Variants in LRBA observed in about 807,000 individuals in gnomAD.
The protein encoded by LRBA is lipopolysaccharide-responsive and beige-like anchor protein.
A neutral mutation model predicts 330.0 loss-of-function variants in LRBA; 176 were observed. That is an observed-to-expected ratio of 0.53 (90% CI 0.47 to 0.60). The LOEUF is 0.60. Among genes scored for constraint, LRBA ranks in the 20% least tolerant of loss-of-function variants. The pLI, the probability that LRBA is intolerant of heterozygous loss-of-function variation, is 0.00. For missense variants in LRBA, 3,259 were observed against 3,444.8 expected (o/e 0.95, Z 1.35); for synonymous variants, 1,230 against 1,193.0 (o/e 1.03, Z -0.64).
chr4:150,760,742 T>C (rs1225769713), intron 35 of LRBA, among the ~76,000 whole-genome samples: 1 of 152,140 alleles, frequency 6.6e-6, no homozygotes, highest in Non-Finnish European at 1.5e-5. Context: ...TCAAGAATCA[T>C]GGTTCCTGGT....
At chr4:150,418,282 C>T (rs1228081676) in intron 46 of LRBA, among the ~76,000 whole-genome samples, 1 of 151,952 alleles carries the variant, frequency 6.6e-6, no homozygotes, top group Non-Finnish European at 1.5e-5. Flanking sequence ...TATTTTATTC[C>T]TGGCCCAATT....
chr4:150,517,373 T>TAGCCAGGCATGGTGGCATGC (rs1581558280), intron 40 of LRBA, among the ~76,000 whole-genome samples: 1 of 151,860 alleles, frequency 6.6e-6, no homozygotes, highest in East Asian at 1.9e-4. Context: ...ATACAAAAAT[T>TAGCCAGGCATGGTGGCATGC]AGCCAGGCAT....
intron 38 of LRBA, among the ~76,000 whole-genome samples, chr4:150,595,879 T>C (rs1773433927): frequency 6.6e-6 from 1 of 151,946 alleles, no homozygotes; most frequent in South Asian, 2.1e-4. Flanking sequence ...ACCAGGGCTC[T>C]GGCATTAGGA....
chr4:150,310,102 C>T (rs769481846), intron 52 of LRBA, 127 bp downstream of exon 52: 5 of 627,218 alleles, frequency 8.0e-6, no homozygotes, highest in Non-Finnish European at 1.4e-5. Context: ...ACAATGCCCT[C>T]TTCTCCCTAT....
At chr4:150,770,099 G>T (rs570713998) in intron 34 of LRBA, among the ~76,000 whole-genome samples, 1 of 152,138 alleles carries the variant, frequency 6.6e-6, no homozygotes, top group Non-Finnish European at 1.5e-5. Flanking sequence ...TTGAGGGCCC[G>T]AATAAAATGA....
At chr4:150,483,769 C>T (rs905328983) in intron 42 of LRBA, among the ~76,000 whole-genome samples, 4 of 151,996 alleles carry the variant, frequency 2.6e-5, no homozygotes, top group Non-Finnish European at 5.9e-5. Context: ...AATCCATGAG[C>T]GTAGTATAGT....
chr4:150,952,844 C>T (rs1299093110), intron 2 of LRBA, among the ~76,000 whole-genome samples: 1 of 152,142 alleles, frequency 6.6e-6, no homozygotes, highest in African/African-American at 2.4e-5. Flanking sequence ...GCCTTGACCT[C>T]CTCCCAGTCT....
At chr4:150,920,917 G>C (rs1733183991) in intron 5 of LRBA, among the ~76,000 whole-genome samples, 1 of 152,134 alleles carries the variant, frequency 6.6e-6, no homozygotes, top group Non-Finnish European at 1.5e-5. Flanking sequence ...CACACAAATA[G>C]CTACTTAAGA....
chr4:150,624,855 A>G (rs1303438790), intron 37 of LRBA, among the ~76,000 whole-genome samples: 1 of 152,174 alleles, frequency 6.6e-6, no homozygotes, highest in Non-Finnish European at 1.5e-5. Flanking sequence ...GGTTTTTAAA[A>G]TGTCAAACAC....
chr4:150,478,098 T>C (rs530115424), intron 42 of LRBA, among the ~76,000 whole-genome samples: 1 of 152,238 alleles, frequency 6.6e-6, no homozygotes, highest in South Asian at 2.1e-4. Flanking sequence ...GTTTTCTGGA[T>C]GTAGCTCTAG....
chr4:150,289,985 A>G (rs1027495478), intron 53 of LRBA, among the ~76,000 whole-genome samples: 1 of 152,170 alleles, frequency 6.6e-6, no homozygotes, highest in African/African-American at 2.4e-5. Flanking sequence ...CGATCTTTTT[A>G]TGTCTCTGTA....
chr4:150,648,342 G>A (rs1331144532), intron 37 of LRBA, among the ~76,000 whole-genome samples: 3 of 151,864 alleles, frequency 2.0e-5, no homozygotes, highest in Non-Finnish European at 4.4e-5. Context: ...CAGACAGCAA[G>A]AGGCTGACGG....
At chr4:150,807,104 T>C (rs1030522813) in intron 32 of LRBA, among the ~76,000 whole-genome samples, 3 of 144,434 alleles carry the variant, frequency 2.1e-5, no homozygotes, top group Non-Finnish European at 3.0e-5. Context: ...TTAATGAGGG[T>C]TTTTTTTTTA....
At chr4:150,616,902 T>A (rs1264909063) in intron 37 of LRBA, among the ~76,000 whole-genome samples, 1 of 152,172 alleles carries the variant, frequency 6.6e-6, no homozygotes, top group Non-Finnish European at 1.5e-5. Flanking sequence ...ATCGTAAGAA[T>A]ACACTAGATA....
chr4:150,981,359 G>C (rs1740809693), intron 2 of LRBA, among the ~76,000 whole-genome samples: 2 of 148,492 alleles, frequency 1.3e-5, no homozygotes, highest in South Asian at 4.2e-4. Flanking sequence ...GTTGTGGTGA[G>C]CTGAGATCAC....
intron 50 of LRBA, among the ~76,000 whole-genome samples, chr4:150,318,898 G>C (rs1395141376): frequency 6.6e-6 from 1 of 152,098 alleles, no homozygotes; most frequent in Non-Finnish European, 1.5e-5. Context: ...AGGTGAGCCA[G>C]GACTGGGAAC....
chr4:150,579,662 G>T (rs1337214470), intron 40 of LRBA: 1 of 456,768 alleles, frequency 2.2e-6, no homozygotes, highest in Non-Finnish European at 4.4e-6. Context: ...AGAGCCGCCA[G>T]TGGAGGTGCA....
intron 2 of LRBA, among the ~76,000 whole-genome samples, chr4:150,935,769 C>T (rs1317428909): frequency 7.2e-5 from 11 of 151,782 alleles, no homozygotes; most frequent in Non-Finnish European, 1.2e-4. Flanking sequence ...AAGGTTGGTA[C>T]AAATAACTTC....
Position 150,321,067 on chromosome 4 carries a change from A to G in LRBA, c.7630+124T>C. 1 of 931,306 alleles carries G rather than the reference A, an allele frequency of 1.1e-6. No homozygotes were observed. Among genetic ancestry groups the G allele is most frequent in the East Asian group, 2.9e-5 (1 of 34,736 alleles). 57.7% of individuals were successfully genotyped at this position (931,306 alleles called of 1,614,324 possible). ...CTTTTTTAAGCCTTTCAAACTATTAAACAATTTGATTCAGACTAATGCTTG... is the reference window on the plus strand; with the variant it reads ...CTTTTTTAAGCCTTTCAAACTATTAGACAATTTGATTCAGACTAATGCTTG... On this transcript the variant is annotated intron_variant, in intron 50 of 56. Transcript: ENST00000651943. This position sits in a 1 kb window ranked among gnomAD's most constrained non-coding sequence, Gnocchi z 4.5.
Sources: allele counts gnomAD v4.1 joint callset (sites outside exome capture counted in the v4.1 genomes callset), GRCh38; gene constraint gnomAD v4.1.1; non-coding constraint Gnocchi (gnomAD v3.1); transcripts MANE v1.5; gene names NCBI Gene and HGNC (gene_info 2026-07-23, HGNC 2026-07-21).